The following LRFN5 variants were observed in gnomAD, a reference collection of about 807,000 sequenced individuals.
LRFN5 encodes leucine-rich repeat and fibronectin type-III domain-containing protein 5.
A neutral mutation model predicts 45.6 loss-of-function variants in LRFN5; 24 were observed. The observed-to-expected ratio is 0.53, with a 90% confidence interval of 0.38 to 0.74. The LOEUF (loss-of-function observed/expected upper bound fraction) is 0.74, where lower values mean the gene tolerates loss of function less well. Among genes scored for constraint, LRFN5 ranks in the 30% least tolerant of loss-of-function variants. The pLI is 0.00. For missense variants in LRFN5, 776 were observed against 861.5 expected (o/e 0.90, Z 1.24); for synonymous variants, 340 against 313.8 (o/e 1.08, Z -0.88).
At chr14:41,883,134 G>A (rs1164550435) in intron 2 of LRFN5, among the ~76,000 whole-genome samples, 1 of 151,668 alleles carries the variant, frequency 6.6e-6, no homozygotes, top group Non-Finnish European at 1.5e-5. Context: ...TTACAGGCTT[G>A]AGTCACCACC....
chr14:41,838,029 G>A (rs185156389), intron 2 of LRFN5, among the ~76,000 whole-genome samples: 2 of 152,256 alleles, frequency 1.3e-5, no homozygotes, highest in East Asian at 1.9e-4. Context: ...ATGTAGACCT[G>A]ATTTGTGTGG....
chr14:41,745,225 C>G (rs1018266900), intron 1 of LRFN5, among the ~76,000 whole-genome samples: 3 of 151,936 alleles, frequency 2.0e-5, no homozygotes. Context: ...AAAAGAAAAG[C>G]TGAAAATACC....
rs574569220 is a variant in LRFN5, at chr14:41,904,330, G to T, written c.*155G>T. On this transcript the variant is annotated 3_prime_UTR_variant, in exon 6 of 6. Coordinates refer to ENST00000298119, the MANE Select transcript of LRFN5 (RefSeq NM_152447.5). Reference sequence around the variant, plus strand: ...AGCCAAGGTGAAAGTCTCTGATGACGGCGGAACTGGCTCCATTAGACCATG... The same window carrying T: ...AGCCAAGGTGAAAGTCTCTGATGACTGCGGAACTGGCTCCATTAGACCATG... 4.6e-6 allele frequency: 4 copies of T among 879,098 alleles called. No homozygotes were observed. In the African/African-American group the frequency reaches 6.8e-5, roughly 15 times the overall value. The allele number at this position is 879,098 out of a possible 1,614,324, so 54.5% of individuals were successfully genotyped here.
At chr14:41,752,325 C>T (rs1252455671) in intron 1 of LRFN5, among the ~76,000 whole-genome samples, 1 of 152,138 alleles carries the variant, frequency 6.6e-6, no homozygotes, top group Non-Finnish European at 1.5e-5. Flanking sequence ...TTCTAGATCC[C>T]TGAGGAATCG....
At chr14:41,780,120 G>T (rs1230581661) in intron 2 of LRFN5, among the ~76,000 whole-genome samples, 4 of 151,674 alleles carry the variant, frequency 2.6e-5, no homozygotes, top group Non-Finnish European at 5.9e-5. Context: ...GTTTTGTTAA[G>T]TTATGGTTTA....
intron 2 of LRFN5, among the ~76,000 whole-genome samples, chr14:41,780,027 T>A (rs1886426475): frequency 6.6e-6 from 1 of 151,918 alleles, no homozygotes; most frequent in Non-Finnish European, 1.5e-5. Context: ...GCTCCTAAAG[T>A]AGAAAGACTA....
intron 1 of LRFN5, among the ~76,000 whole-genome samples, chr14:41,680,553 C>A (rs1447189342): frequency 2.0e-5 from 3 of 152,180 alleles, no homozygotes; most frequent in African/African-American, 7.2e-5. Flanking sequence ...CACAGCATTG[C>A]TGAGCTTCAG....
rs199770856 is a variant in LRFN5 at position 41,610,661 on chromosome 14, T to TAAAAAAAAAAAAAAAAAAAAAA, written c.-197+2100_-197+2121dup. On this transcript the variant is annotated intron_variant, in intron 1 of 5. Coordinates refer to ENST00000298119, the MANE Select transcript of LRFN5 (RefSeq NM_152447.5). ...TACCCCTCTGAGGTCCCAGGGAAGG[T>TAAAAAAAAAAAAAAAAAAAAAA]AAAAAAAAAAAAAAAAAAAAAAGTG... Among the ~76,000 whole-genome samples the TAAAAAAAAAAAAAAAAAAAAAA allele has an allele frequency of 1.4e-3, 51 of 37,330 alleles. 8 individuals carry two copies. Among genetic ancestry groups the TAAAAAAAAAAAAAAAAAAAAAA allele is most frequent in the East Asian group, 2.4e-3 (7 of 2,920 alleles). 24.5% of individuals were successfully genotyped at this position (37,330 alleles called of 152,430 possible). A position where few individuals can be genotyped will look rare whatever the true frequency, so the allele number is the denominator to read the frequency against.
At chr14:41,739,248 G>A (rs967692006) in intron 1 of LRFN5, among the ~76,000 whole-genome samples, 9 of 152,120 alleles carry the variant, frequency 5.9e-5, no homozygotes, top group Admixed American at 5.2e-4. Context: ...AGCCAGGCAT[G>A]GTGGCATGTG....
At chr14:41,863,107 G>A (rs893916609) in intron 2 of LRFN5, among the ~76,000 whole-genome samples, 4 of 151,806 alleles carry the variant, frequency 2.6e-5, no homozygotes, top group African/African-American at 4.8e-5. Flanking sequence ...CTTGTGATCC[G>A]CCCGCCTCAG....
At chr14:41,782,931 T>C (rs1417431426) in intron 2 of LRFN5, among the ~76,000 whole-genome samples, 1 of 151,760 alleles carries the variant, frequency 6.6e-6, no homozygotes, top group African/African-American at 2.4e-5. Flanking sequence ...GTGAGCTATA[T>C]CTCTTGGCTA....
At chr14:41,616,456 C>T (rs1038800469) in intron 1 of LRFN5, among the ~76,000 whole-genome samples, 1 of 152,240 alleles carries the variant, frequency 6.6e-6, no homozygotes, top group African/African-American at 2.4e-5. Flanking sequence ...GTCTTGATGA[C>T]ATTCTCACAC....
At position 41,607,378 on chromosome 14, in the gene LRFN5, G is replaced by C. The variant is rs980157480; in HGVS notation, c.-1381G>C. ...GACAGACACACACACACTCAGAGGA[G>C]AGAGGAAGAATTGAAAGACTTGAGA... On this transcript the variant is annotated 5_prime_UTR_variant, in exon 1 of 6. Transcript: ENST00000298119. 1.3e-5 allele frequency among the ~76,000 whole-genome samples: 2 copies of C among 152,138 alleles called. No homozygotes were observed. Among genetic ancestry groups the C allele is most frequent in the African/African-American group, 4.8e-5 (2 of 41,424 alleles).
chr14:41,826,833 G>A (rs1443905620), intron 2 of LRFN5, among the ~76,000 whole-genome samples: 1 of 108,856 alleles, frequency 9.2e-6, no homozygotes, highest in Non-Finnish European at 2.0e-5. Context: ...TGTAAGAATT[G>A]TGTAAATGTT....
chr14:41,828,249 C>G (rs1013778645), intron 2 of LRFN5, among the ~76,000 whole-genome samples: 3 of 151,928 alleles, frequency 2.0e-5, no homozygotes, highest in Non-Finnish European at 4.4e-5. Flanking sequence ...TAAGTTATTG[C>G]TGTTATTATA....
At chr14:41,644,726 G>A (rs1879733023) in intron 1 of LRFN5, among the ~76,000 whole-genome samples, 1 of 152,134 alleles carries the variant, frequency 6.6e-6, no homozygotes, top group African/African-American at 2.4e-5. Context: ...CTTCCCCTGT[G>A]TCCTCCAACT....
intron 1 of LRFN5, among the ~76,000 whole-genome samples, chr14:41,688,247 A>G (rs575826766): frequency 6.6e-6 from 1 of 152,270 alleles, no homozygotes; most frequent in African/African-American, 2.4e-5. Context: ...CTACTGTTTG[A>G]TAGCATAATG....
intron 2 of LRFN5, among the ~76,000 whole-genome samples, chr14:41,795,631 A>G (rs1206459656): frequency 6.6e-6 from 1 of 152,058 alleles, no homozygotes; most frequent in African/African-American, 2.4e-5. Context: ...TTGTAGGGAC[A>G]TGGATGAAGC....
chr14:41,843,018 ATAGGTG>A (rs1445208798), intron 2 of LRFN5, among the ~76,000 whole-genome samples: 1 of 151,274 alleles, frequency 6.6e-6, no homozygotes, highest in Admixed American at 6.6e-5. Context: ...TTTTTGAGAT[ATAGGTG>A]TATGTAAATT....
Sources: allele counts gnomAD v4.1 joint callset (sites outside exome capture counted in the v4.1 genomes callset), GRCh38; gene constraint gnomAD v4.1.1; transcripts MANE v1.5; gene names NCBI Gene and HGNC (gene_info 2026-07-23, HGNC 2026-07-21).